COL23A1: variants seen among roughly 807,000 people sequenced by gnomAD.
COL23A1 encodes the protein collagen type XXIII alpha 1 chain, also known as collagen alpha-1(XXIII) chain.
COL23A1 carries 97 observed loss-of-function variants against 99.3 expected under a neutral mutation model. The ratio of observed to expected loss-of-function variants is 0.98; its 90% CI spans 0.83 to 1.16. The LOEUF is 1.16. Ranked by LOEUF, COL23A1 falls within the 50% of genes most tolerant of loss-of-function variation. COL23A1 has a pLI of 0.00. For missense variants in COL23A1, 762 were observed against 757.4 expected (o/e 1.01, Z -0.07); for synonymous variants, 320 against 308.2 (o/e 1.04, Z -0.40).
At chr5:178,271,384 C>T (rs137919439) in intron 5 of COL23A1, among the ~76,000 whole-genome samples, 1 of 152,328 alleles carries the variant, frequency 6.6e-6, no homozygotes, top group African/African-American at 2.4e-5. Context: ...ACCTGCCGGG[C>T]ACATCCTTCC....
At chr5:178,503,644 G>A (rs996848642) in intron 2 of COL23A1, among the ~76,000 whole-genome samples, 5 of 152,158 alleles carry the variant, frequency 3.3e-5, no homozygotes, top group Non-Finnish European at 7.3e-5. Context: ...GTGTGCCTGT[G>A]TGTGCGAAAA....
chr5:178,394,654 G>A (rs1764132348), intron 2 of COL23A1, among the ~76,000 whole-genome samples: 1 of 152,206 alleles, frequency 6.6e-6, no homozygotes, highest in African/African-American at 2.4e-5. Context: ...TGGTTCCTGA[G>A]TCCACCCTGA....
At chr5:178,401,370 C>T (rs1421957847) in intron 2 of COL23A1, among the ~76,000 whole-genome samples, 2 of 152,198 alleles carry the variant, frequency 1.3e-5, no homozygotes, top group East Asian at 3.8e-4. Flanking sequence ...GTAGTTCTGC[C>T]TCATAAGAAT....
intron 2 of COL23A1, among the ~76,000 whole-genome samples, chr5:178,523,195 T>TACAC (rs1355046736): frequency 1.8e-4 from 14 of 78,884 alleles, no homozygotes; most frequent in African/African-American, 4.2e-4. Flanking sequence ...TATATATATA[T>TACAC]ATATATAGAG....
In COL23A1 at chr5:178,365,142, T is replaced by C. The variant is rs1203762295; in HGVS notation, c.362-58223A>G. On this transcript the variant is annotated intron_variant, in intron 2 of 28. Transcript: ENST00000390654. The surrounding 1 kb of genome is among the most constrained non-coding windows in gnomAD (Gnocchi z 5.2). ...TATGATGTTGCTGTGTGTGCGTGTG[T>C]GTGTGTGTGTGTGTGTGTGTGTGTG... is the stretch of plus-strand genomic sequence containing the variant. Among the ~76,000 whole-genome samples, 13 of 139,076 alleles carry C rather than the reference T, an allele frequency of 9.3e-5. No homozygotes were observed. The highest frequency in any genetic ancestry group is 1.4e-4 in the Admixed American group (2 of 14,560). The allele number at this position is 139,076 out of a possible 152,430, so 91.2% of individuals were successfully genotyped here.
intron 2 of COL23A1, among the ~76,000 whole-genome samples, chr5:178,548,916 T>G (rs1761859221): frequency 6.6e-6 from 1 of 152,178 alleles, no homozygotes; most frequent in Admixed American, 6.5e-5. Context: ...AGTATGTTCA[T>G]ACACTGCGAT....
At chr5:178,538,715 C>T (rs1463723923) in intron 2 of COL23A1, among the ~76,000 whole-genome samples, 2 of 152,180 alleles carry the variant, frequency 1.3e-5, no homozygotes, top group Admixed American at 6.5e-5. Flanking sequence ...TTAGCAATTC[C>T]AGTCCTAGCT....
At chr5:178,299,600 T>C (rs1381641243) in intron 3 of COL23A1, among the ~76,000 whole-genome samples, 1 of 152,162 alleles carries the variant, frequency 6.6e-6, no homozygotes, top group Non-Finnish European at 1.5e-5. Context: ...GAATCAACTT[T>C]TGGTTTTGTT....
At chr5:178,247,638 C>G in intron 21 of COL23A1, 86 bp from the exon 22 acceptor site, 1 of 1,578,822 alleles carries the variant, frequency 6.3e-7, no homozygotes. Context: ...CTGTCCTGGG[C>G]TCTGCCCTCT....
intron 2 of COL23A1, among the ~76,000 whole-genome samples, chr5:178,382,705 T>C (rs1455906780): frequency 6.6e-6 from 1 of 152,052 alleles, no homozygotes; most frequent in Non-Finnish European, 1.5e-5. Context: ...CAGAGGGGTA[T>C]GACATGGAAA....
rs546980265 is a variant in COL23A1, at chr5:178,256,245, C to T, written c.882+108G>A. Reference sequence around the variant, plus strand: ...TTTAAAAAGTAAAATACTCCCAGTTCCTGTAGCTCCACTGCTCCTCTGGGG... The same window carrying T: ...TTTAAAAAGTAAAATACTCCCAGTTTCTGTAGCTCCACTGCTCCTCTGGGG... On this transcript the variant is annotated intron_variant, in intron 15 of 28. Coordinates refer to ENST00000390654, the MANE Select transcript of COL23A1 (RefSeq NM_173465.4). 397 of 690,052 alleles carry T rather than the reference C, an allele frequency of 5.8e-4. 8 individuals carry two copies. The South Asian group carries it at 0.017, about 29-fold the overall frequency. The allele number at this position is 690,052 out of a possible 1,614,324, so 42.7% of individuals were successfully genotyped here.
At chr5:178,367,487 AG>A (rs1762550518) in intron 2 of COL23A1, among the ~76,000 whole-genome samples, 1 of 152,174 alleles carries the variant, frequency 6.6e-6, no homozygotes, top group Non-Finnish European at 1.5e-5. Flanking sequence ...CCACTGTGGT[AG>A]ACTGGGGCTT....
At chr5:178,406,401 T>A (rs1411992162) in intron 2 of COL23A1, among the ~76,000 whole-genome samples, 1 of 151,676 alleles carries the variant, frequency 6.6e-6, no homozygotes, top group Admixed American at 6.6e-5. Flanking sequence ...CCAAAATTGA[T>A]GACATACCAA....
At chr5:178,516,864 A>G (rs1025853075) in intron 2 of COL23A1, among the ~76,000 whole-genome samples, 3 of 152,194 alleles carry the variant, frequency 2.0e-5, no homozygotes, top group African/African-American at 7.2e-5. Context: ...TCAGTAGTTA[A>G]ATAAGAGGAG....
intron 2 of COL23A1, among the ~76,000 whole-genome samples, chr5:178,513,000 C>A (rs370286906): frequency 6.6e-6 from 1 of 152,164 alleles, no homozygotes; most frequent in Non-Finnish European, 1.5e-5. Context: ...GGCATTAACC[C>A]GTGCCCAGTG....
intron 2 of COL23A1, among the ~76,000 whole-genome samples, chr5:178,326,654 A>G (rs1759680797): frequency 6.6e-6 from 1 of 151,298 alleles, no homozygotes; most frequent in Admixed American, 6.6e-5. Flanking sequence ...TTTTCCCTCC[A>G]CTCACGTTCC....
chr5:178,561,974 G>A lies in COL23A1; in HGVS notation c.295-1226C>T, dbSNP rs564566183. On this transcript the variant is annotated intron_variant, in intron 1 of 28. Transcript: ENST00000390654. The stretch of plus-strand genomic sequence containing the variant: ...GCCATTTCAGCCTCATTTTACAGAC[G>A]GGCAACAAGAGGCGCAGAGAGCGAA... 1.5e-5 allele frequency: 6 copies of A among 407,254 alleles called. No individual in the cohort carries two copies. The Admixed American group carries it at 1.5e-4, about 10-fold the overall frequency. 25.2% of individuals were successfully genotyped at this position (407,254 alleles called of 1,614,324 possible). A position where few individuals can be genotyped will look rare whatever the true frequency, so the allele number is the denominator to read the frequency against.
intron 2 of COL23A1, among the ~76,000 whole-genome samples, chr5:178,550,728 G>A (rs972341862): frequency 6.6e-6 from 1 of 152,138 alleles, no homozygotes; most frequent in African/African-American, 2.4e-5. Context: ...CAGCATGTGG[G>A]TGAGCTCCTG....
At chr5:178,564,957 A>G (rs971389490) in intron 1 of COL23A1, among the ~76,000 whole-genome samples, 2 of 152,266 alleles carry the variant, frequency 1.3e-5, no homozygotes, top group African/African-American at 4.8e-5. Flanking sequence ...AATCAGCAGA[A>G]GCAAAACATG....
Sources: gnomAD v4.1 joint callset for allele counts (sites outside exome capture counted in the v4.1 genomes callset) on GRCh38, gnomAD v4.1.1 for gene constraint, Gnocchi (gnomAD v3.1) non-coding constraint, MANE v1.5 for transcripts, NCBI Gene and HGNC (gene_info 2026-07-23, HGNC 2026-07-21) for gene names.